Variants in MAGI1 observed in about 807,000 individuals in gnomAD.
MAGI1 encodes the protein membrane associated guanylate kinase, WW and PDZ domain containing 1, also known as membrane-associated guanylate kinase, WW and PDZ domain-containing protein 1.
A neutral mutation model predicts 139.9 loss-of-function variants in MAGI1; 58 were observed. The observed-to-expected ratio is 0.41, with a 90% CI of 0.34 to 0.52. The LOEUF (loss-of-function observed/expected upper bound fraction) is 0.52, where lower values mean the gene tolerates loss of function less well. Among genes scored for constraint, MAGI1 ranks in the 20% least tolerant of loss-of-function variants. The pLI is 0.12. For missense variants in MAGI1, 1,874 were observed against 1,901.6 expected (o/e 0.99, Z 0.27); for synonymous variants, 812 against 737.9 (o/e 1.10, Z -1.63).
intron 13 of MAGI1, among the ~76,000 whole-genome samples, chr3:65,392,556 A>C (rs1487543947): frequency 2.6e-5 from 4 of 152,174 alleles, no homozygotes; most frequent in Non-Finnish European, 5.9e-5. Context: ...GAAGTTCTTT[A>C]TAGAGCCCAA....
intron 1 of MAGI1, among the ~76,000 whole-genome samples, chr3:65,918,666 A>T (rs1051388777): frequency 6.6e-6 from 1 of 152,134 alleles, no homozygotes; most frequent in Admixed American, 6.6e-5. Flanking sequence ...GGTGTGAGCC[A>T]CCGCGCCCGG....
intron 1 of MAGI1, among the ~76,000 whole-genome samples, chr3:65,956,632 G>A (rs1379846483): frequency 1.3e-5 from 2 of 152,136 alleles, no homozygotes; most frequent in Non-Finnish European, 2.9e-5. Context: ...CGCCGACAAG[G>A]ACGTTAAATA....
intron 1 of MAGI1, among the ~76,000 whole-genome samples, chr3:65,975,524 G>A (rs527900653): frequency 1.7e-4 from 26 of 152,122 alleles, no homozygotes; most frequent in Admixed American, 1.2e-3. Context: ...GGAAGGTGGA[G>A]GTGGGCGGAT....
At chr3:65,633,933 A>G (rs2084454154) in intron 1 of MAGI1, among the ~76,000 whole-genome samples, 1 of 152,196 alleles carries the variant, frequency 6.6e-6, no homozygotes, top group Non-Finnish European at 1.5e-5. Flanking sequence ...GTGCCCTTTG[A>G]GAATATTCTA....
intron 1 of MAGI1, among the ~76,000 whole-genome samples, chr3:65,723,913 C>T (rs2033328503): frequency 6.6e-6 from 1 of 152,142 alleles, no homozygotes; most frequent in Non-Finnish European, 1.5e-5. Context: ...TGGAAATTAG[C>T]ATGTTTGGGG....
chr3:66,010,384 C>T (rs2107499914), intron 1 of MAGI1, among the ~76,000 whole-genome samples: 1 of 152,266 alleles, frequency 6.6e-6, no homozygotes, highest in South Asian at 2.1e-4. Context: ...TCACAAAGTG[C>T]TTTCCCCCTT....
intron 1 of MAGI1, among the ~76,000 whole-genome samples, chr3:65,914,807 T>G (rs113607171): frequency 0.02 from 3,059 of 152,314 alleles, 92 homozygotes; most frequent in African/African-American, 0.063. Context: ...GTTTCAGCAC[T>G]GTACAACAGA....
At chr3:65,536,838 G>A (rs958890946) in intron 2 of MAGI1, among the ~76,000 whole-genome samples, 1 of 152,184 alleles carries the variant, frequency 6.6e-6, no homozygotes, top group African/African-American at 2.4e-5. Context: ...CTTCCCACCA[G>A]AGATAAGACT....
chr3:65,612,119 G>C (rs1450750444), intron 2 of MAGI1, among the ~76,000 whole-genome samples: 1 of 151,940 alleles, frequency 6.6e-6, no homozygotes, highest in African/African-American at 2.4e-5. Context: ...TATAAGTAAG[G>C]GGGAAGAGAG....
At chr3:65,484,146 T>A (rs1044889965) in intron 3 of MAGI1, among the ~76,000 whole-genome samples, 1 of 152,170 alleles carries the variant, frequency 6.6e-6, no homozygotes, top group Non-Finnish European at 1.5e-5. Flanking sequence ...TAAATTACAT[T>A]AAGTAATGAT....
intron 14 of MAGI1, among the ~76,000 whole-genome samples, chr3:65,384,292 A>C (rs1253920529): frequency 6.6e-6 from 1 of 152,242 alleles, no homozygotes; most frequent in Non-Finnish European, 1.5e-5. Flanking sequence ...AACCAATCAC[A>C]GATAGAAAAT....
intron 2 of MAGI1, among the ~76,000 whole-genome samples, chr3:65,508,646 A>G (rs1453658961): frequency 6.6e-6 from 1 of 152,206 alleles, no homozygotes; most frequent in African/African-American, 2.4e-5. Flanking sequence ...TGCCTTTGTC[A>G]TCTATTCAAA....
chr3:65,997,432 G>A (rs571236687), intron 1 of MAGI1, among the ~76,000 whole-genome samples: 1 of 152,238 alleles, frequency 6.6e-6, no homozygotes, highest in Admixed American at 6.5e-5. Flanking sequence ...TGAGGCAGGT[G>A]GATCACGAGG....
At chr3:65,454,735 AC>A (rs1162324725) in intron 5 of MAGI1, among the ~76,000 whole-genome samples, 67 of 149,380 alleles carry the variant, frequency 4.5e-4, no homozygotes, top group African/African-American at 1.5e-3. Flanking sequence ...AAAAAAAAAA[AC>A]ATATGGCTTA....
intron 2 of MAGI1, among the ~76,000 whole-genome samples, chr3:65,573,520 T>C (rs564567969): frequency 5.3e-5 from 8 of 151,012 alleles, no homozygotes; most frequent in African/African-American, 2.0e-4. Flanking sequence ...TTTCAGAAAC[T>C]CCCACATTTA....
intron 1 of MAGI1, among the ~76,000 whole-genome samples, chr3:65,928,101 C>T (rs9879690): frequency 0.013 from 1,992 of 152,196 alleles, 39 homozygotes; most frequent in African/African-American, 0.045. Flanking sequence ...TTATTTTCGG[C>T]CCCACTCCAT....
At chr3:65,846,531 T>A (rs182634188) in intron 1 of MAGI1, among the ~76,000 whole-genome samples, 6 of 152,312 alleles carry the variant, frequency 3.9e-5, no homozygotes, top group African/African-American at 1.4e-4. Context: ...ACCAGAGTCA[T>A]AATAGGGCCC....
At chr3:65,546,718 A>C (rs984310418) in intron 2 of MAGI1, among the ~76,000 whole-genome samples, 2 of 152,178 alleles carry the variant, frequency 1.3e-5, no homozygotes, top group Non-Finnish European at 2.9e-5. Context: ...TGTCATAGTC[A>C]ATCCATTTTT....
intron 2 of MAGI1, among the ~76,000 whole-genome samples, chr3:65,573,862 T>C (rs1025621586): frequency 2.0e-5 from 3 of 152,112 alleles, no homozygotes; most frequent in Non-Finnish European, 2.9e-5. Flanking sequence ...AGTTTTGTTA[T>C]TAAGTTTCAT....
Sources: gnomAD v4.1 joint callset for allele counts (sites outside exome capture counted in the v4.1 genomes callset) on GRCh38, gnomAD v4.1.1 for gene constraint, MANE v1.5 for transcripts, NCBI Gene and HGNC (gene_info 2026-07-23, HGNC 2026-07-21) for gene names.